Variants in GALNT17 observed in about 807,000 individuals in gnomAD.
GALNT17 encodes the protein UDP-GalNAc:polypeptide N-acetylgalactosaminyltransferase-like 3.
GALNT17 carries 29 observed loss-of-function variants against 63.7 expected under a neutral mutation model. The observed-to-expected ratio is 0.46, with a 90% CI of 0.34 to 0.62. GALNT17 has a LOEUF of 0.62. GALNT17 is among the 20% of genes least tolerant of loss of function. GALNT17 has a pLI of 0.01. For synonymous variants in GALNT17, 305 were observed against 318.3 expected, an observed-to-expected ratio of 0.96 and a Z score of 0.45; for missense variants, 603 against 799.6, an observed-to-expected ratio of 0.75 and a Z score of 2.97.
intron 5 of GALNT17, among the ~76,000 whole-genome samples, chr7:71,564,447 C>A (rs191205449): frequency 6.6e-6 from 1 of 151,628 alleles, no homozygotes; most frequent in Admixed American, 6.6e-5. Flanking sequence ...CTACCACGCC[C>A]GGCTCATTTT....
At position 71,422,585 on chromosome 7, in the gene GALNT17, A is replaced by T. The variant is rs1583939054; in HGVS notation, c.962+1480A>T. ...CCCCACTGCTCAAACCCCTAGGGGG[A>T]TCATGCAGATGGGTAGGTTGCGGGG... On this transcript the variant is annotated intron_variant, in intron 5 of 10. Coordinates refer to ENST00000333538, the MANE Select transcript of GALNT17 (RefSeq NM_022479.3). Among the ~76,000 whole-genome samples the T allele has an allele frequency of 2.0e-5, 3 of 152,264 alleles. No individual in the cohort carries two copies. In the South Asian group the frequency reaches 6.2e-4, roughly 32 times the overall value.
At chr7:71,575,137 T>C (rs1789515013) in intron 6 of GALNT17, among the ~76,000 whole-genome samples, 1 of 152,306 alleles carries the variant, frequency 6.6e-6, no homozygotes, top group African/African-American at 2.4e-5. Context: ...ATACTACTTC[T>C]CCTTTCATTT....
chr7:71,324,452 A>T (rs1478894416), intron 1 of GALNT17, among the ~76,000 whole-genome samples: 6 of 152,182 alleles, frequency 3.9e-5, no homozygotes, highest in Non-Finnish European at 8.8e-5. Flanking sequence ...GGAGTTCAAC[A>T]CTAGCCTGAG....
At chr7:71,229,862 C>T (rs552980483) in intron 1 of GALNT17, among the ~76,000 whole-genome samples, 461 of 152,276 alleles carry the variant, frequency 3.0e-3, no homozygotes, top group Middle Eastern at 0.017. Context: ...CCTCCGTGGC[C>T]GGAAGGGTAA....
Position 71,279,755 on chromosome 7 carries a change from G to A in GALNT17, c.239-55795G>A, listed in dbSNP as rs564244501. On this transcript the variant is annotated intron_variant, in intron 1 of 10. Transcript: ENST00000333538. ...AGGGTCTTTGATAGAGGCATGCCCA[G>A]GCTGGAGGAACGAAGCGAAATGGGG... Among the ~76,000 whole-genome samples the A allele has an allele frequency of 4.6e-5, 7 of 150,820 alleles. No homozygotes were observed. In the Admixed American group the frequency reaches 4.7e-4, roughly 10 times the overall value.
intron 1 of GALNT17, among the ~76,000 whole-genome samples, chr7:71,332,129 T>C (rs1050176479): frequency 5.3e-5 from 8 of 152,280 alleles, no homozygotes; most frequent in African/African-American, 1.9e-4. Flanking sequence ...TTGAGTACTC[T>C]CTGAAGAGCT....
chr7:71,650,962 T>C (rs1267296879), intron 6 of GALNT17, among the ~76,000 whole-genome samples: 2 of 152,256 alleles, frequency 1.3e-5, no homozygotes, highest in South Asian at 2.1e-4. Flanking sequence ...TTAGTAAACA[T>C]GTAGATAGCA....
intron 1 of GALNT17, among the ~76,000 whole-genome samples, chr7:71,199,244 T>C (rs577381169): frequency 1.3e-5 from 2 of 152,266 alleles, no homozygotes; most frequent in South Asian, 4.2e-4. Flanking sequence ...TCGCAAATGA[T>C]CTATTTATTT....
At chr7:71,511,051 G>A (rs912411889) in intron 5 of GALNT17, among the ~76,000 whole-genome samples, 2 of 152,038 alleles carry the variant, frequency 1.3e-5, no homozygotes, top group Admixed American at 6.6e-5. Context: ...GCATGGTGGT[G>A]CACACCTGTA....
chr7:71,543,703 T>G (rs931278393), intron 5 of GALNT17, among the ~76,000 whole-genome samples: 1 of 12,944 alleles, frequency 7.7e-5, no homozygotes, highest in African/African-American at 2.6e-4. Context: ...TCAGCAGGTT[T>G]TTTTTTTTTT....
At chr7:71,198,167 C>T (rs997344742) in intron 1 of GALNT17, among the ~76,000 whole-genome samples, 1 of 146,132 alleles carries the variant, frequency 6.8e-6, no homozygotes, top group African/African-American at 2.5e-5. Flanking sequence ...CATTGCACTC[C>T]AGCCTGGGTG....
intron 5 of GALNT17, among the ~76,000 whole-genome samples, chr7:71,448,066 A>G (rs956655629): frequency 1.1e-4 from 17 of 152,166 alleles, no homozygotes; most frequent in African/African-American, 3.4e-4. Flanking sequence ...ATGTGTAAAA[A>G]TGTCTGGATT....
chr7:71,232,196 C>T (rs992359966), intron 1 of GALNT17, among the ~76,000 whole-genome samples: 5 of 152,104 alleles, frequency 3.3e-5, no homozygotes, highest in African/African-American at 1.2e-4. Context: ...CAGTCCTTCT[C>T]TCTGAGGGGA....
rs183455441 is a variant in GALNT17, at chr7:71,494,980, G to A, written c.962+73875G>A. On this transcript the variant is annotated intron_variant, in intron 5 of 10. Transcript: ENST00000333538. ...GTCTCCACCTGGTACAAATCAAGGT[G>A]AGATTTGGGGCCAGGTGCAGTGGCT... Among the ~76,000 whole-genome samples, 7 of 152,282 alleles carry A rather than the reference G, an allele frequency of 4.6e-5. No individual in the cohort carries two copies. The East Asian group carries it at 1.2e-3, about 25-fold the overall frequency.
intron 9 of GALNT17, among the ~76,000 whole-genome samples, chr7:71,694,358 A>ATT (rs1791507978): frequency 9.5e-5 from 3 of 31,662 alleles, no homozygotes; most frequent in Admixed American, 6.1e-4. Flanking sequence ...TAATTATCCC[A>ATT]ATTTTTTTTT....
intron 6 of GALNT17, among the ~76,000 whole-genome samples, chr7:71,613,663 A>G (rs1041172168): frequency 6.6e-6 from 1 of 152,114 alleles, no homozygotes; most frequent in Non-Finnish European, 1.5e-5. Flanking sequence ...TGGCTCCAGA[A>G]CACATAATTT....
At chr7:71,618,832 A>G (rs935441597) in intron 6 of GALNT17, among the ~76,000 whole-genome samples, 8 of 152,030 alleles carry the variant, frequency 5.3e-5, no homozygotes, top group African/African-American at 2.4e-5. Context: ...CTACTTGTCT[A>G]TTTTTGTTTT....
chr7:71,697,904 C>A (rs1333434935), intron 9 of GALNT17, among the ~76,000 whole-genome samples: 1 of 151,918 alleles, frequency 6.6e-6, no homozygotes. Flanking sequence ...AGGCAGATCA[C>A]CTGAGGTCAG....
chr7:71,582,815 G>T (rs1388860527), intron 6 of GALNT17, among the ~76,000 whole-genome samples: 1 of 152,090 alleles, frequency 6.6e-6, no homozygotes, highest in East Asian at 1.9e-4. Flanking sequence ...GTGACTCAGG[G>T]GAAAGGGTGG....
Sources: allele counts gnomAD v4.1 joint callset (sites outside exome capture counted in the v4.1 genomes callset), GRCh38; gene constraint gnomAD v4.1.1; transcripts MANE v1.5; gene names NCBI Gene and HGNC (gene_info 2026-07-23, HGNC 2026-07-21).